The following MMS22L variants were observed in gnomAD, a reference collection of about 807,000 sequenced individuals.
MMS22L encodes the protein protein MMS22-like.
A neutral mutation model predicts 159.1 loss-of-function variants in MMS22L; 74 were observed. The observed-to-expected ratio is 0.47, with a 90% CI of 0.39 to 0.56. The LOEUF is 0.56. Ranked by LOEUF, MMS22L falls within the 20% of genes least tolerant of loss-of-function variation. The pLI is 0.00. For missense variants in MMS22L, 1,351 were observed against 1,422.1 expected (o/e 0.95, Z 0.80); for synonymous variants, 517 against 506.9 (o/e 1.02, Z -0.27).
intron 16 of MMS22L, 89 bp from the exon 17 acceptor site, chr6:97,179,648 C>G: frequency 8.8e-7 from 1 of 1,131,370 alleles, no homozygotes; most frequent in Non-Finnish European, 1.2e-6. Context: ...TCTAACATCC[C>G]TGCAACTCCT....
chr6:97,165,527 C>A lies in MMS22L; in HGVS notation c.3010-70G>T, dbSNP rs913581224. 1.2e-5 allele frequency: 14 copies of A among 1,208,048 alleles called. No homozygotes were observed. The African/African-American group carries it at 1.7e-4, about 15-fold the overall frequency. 74.8% of individuals were successfully genotyped at this position (1,208,048 alleles called of 1,614,324 possible). On this transcript the variant is annotated intron_variant, in intron 20 of 24. Coordinates refer to ENST00000683635, the MANE Select transcript of MMS22L (RefSeq NM_001350599.2). ...AGAACAAACAATATTTAGAAACTCA[C>A]TAATGAAGTCCCCAGCATTAATAAT...
At chr6:97,159,940 T>C (rs1476484991) in intron 22 of MMS22L, among the ~76,000 whole-genome samples, 2 of 137,252 alleles carry the variant, frequency 1.5e-5, no homozygotes, top group African/African-American at 2.7e-5. Context: ...TTCTTATTTA[T>C]CATTTCTGTT....
chr6:97,271,611 T>C (rs1028656288), intron 6 of MMS22L: 2 of 152,328 alleles, frequency 1.3e-5, no homozygotes, highest in South Asian at 2.1e-4. Context: ...ATTACATATA[T>C]TGATCTCTGA....
At chr6:97,158,438 G>A (rs1802082890) in intron 22 of MMS22L, among the ~76,000 whole-genome samples, 2 of 152,018 alleles carry the variant, frequency 1.3e-5, no homozygotes, top group African/African-American at 4.8e-5. Context: ...GCTTTCTCTT[G>A]TGGGCATTTA....
chr6:97,146,743 T>TA lies in MMS22L; in HGVS notation c.*62dup, dbSNP rs1800940627. ...TATACAATTAATTAAAAGTAGGAAT[T>TA]AGAGTGGAACAATGTGGCTTTAGAT... On this transcript the variant is annotated 3_prime_UTR_variant, in exon 25 of 25. Coordinates refer to ENST00000683635, the MANE Select transcript of MMS22L (RefSeq NM_001350599.2). 9.5e-7 allele frequency: 1 copy of TA among 1,055,340 alleles called. No homozygotes were observed. Among genetic ancestry groups the TA allele is most frequent in the Non-Finnish European group, 1.4e-6 (1 of 712,738 alleles). The allele number at this position is 1,055,340 out of a possible 1,614,324, so 65.4% of individuals were successfully genotyped here. A position where few individuals can be genotyped will look rare whatever the true frequency, so the allele number is the denominator to read the frequency against.
chr6:97,264,390 G>T (rs1562520990), intron 8 of MMS22L: 1 of 151,664 alleles, frequency 6.6e-6, no homozygotes, highest in African/African-American at 2.4e-5. Flanking sequence ...AAAATCCTCA[G>T]CAGCCCTAGA....
intron 11 of MMS22L, among the ~76,000 whole-genome samples, chr6:97,243,648 T>A (rs1364512381): frequency 6.6e-6 from 1 of 152,154 alleles, no homozygotes; most frequent in Non-Finnish European, 1.5e-5. Context: ...GTGGGGGTGA[T>A]AAAGAACCTT....
chr6:97,262,015 T>C (rs1409466530), intron 9 of MMS22L: 1 of 152,310 alleles, frequency 6.6e-6, no homozygotes, highest in East Asian at 1.9e-4. Flanking sequence ...ATTTTAAACT[T>C]CTGAAAAGCA....
rs1810081850 is a variant in MMS22L, at chr6:97,225,118, T to A, written c.2039+3776A>T. The stretch of plus-strand genomic sequence containing the variant: ...GAAGACAGTATTTATAAGCATTAAC[T>A]CTTTCAAGAATGTAAGAATTATTCT... On this transcript the variant is annotated intron_variant, in intron 14 of 24. Coordinates refer to ENST00000683635, the MANE Select transcript of MMS22L (RefSeq NM_001350599.2). Among the ~76,000 whole-genome samples, 3 of 152,272 alleles carry A rather than the reference T, an allele frequency of 2.0e-5. No individual in the cohort carries two copies. In the South Asian group the frequency reaches 6.2e-4, roughly 32 times the overall value.
chr6:97,187,509 C>T (rs1011886489), intron 14 of MMS22L, among the ~76,000 whole-genome samples: 1 of 152,118 alleles, frequency 6.6e-6, no homozygotes, highest in South Asian at 2.1e-4. Context: ...GCTATTATTC[C>T]TGTTTCTGTT....
At chr6:97,260,909 G>C (rs1203779549) in intron 9 of MMS22L, 1 of 150,804 alleles carries the variant, frequency 6.6e-6, no homozygotes, top group Non-Finnish European at 1.5e-5. Context: ...TCTTTTTTTG[G>C]TGGTGGTGTT....
chr6:97,174,011 T>C (rs574851885), intron 18 of MMS22L, among the ~76,000 whole-genome samples: 1 of 151,902 alleles, frequency 6.6e-6, no homozygotes, highest in East Asian at 1.9e-4. Context: ...TCCCAGCAGT[T>C]TGGGAGGCCA....
chr6:97,180,018 C>A (rs1356542195), intron 16 of MMS22L, among the ~76,000 whole-genome samples: 3 of 152,138 alleles, frequency 2.0e-5, no homozygotes, highest in African/African-American at 7.2e-5. Flanking sequence ...TAAAAATTAC[C>A]TCACAAAGAA....
Position 97,229,036 on chromosome 6 carries a change from C to A in MMS22L, c.1897G>T (p.Glu633Ter). Reference protein sequence around the residue: ...LLSIYIDGVQEVFETSYCLYP... With the variant: ...LLSIYIDGVQ Reference sequence around the variant, plus strand: ...AAGCAATAGCTGGTCTCAAACACTTCTTGAACACCATCAATGTATATGGAA... The same window carrying A: ...AAGCAATAGCTGGTCTCAAACACTTATTGAACACCATCAATGTATATGGAA... The change falls in exon 14 of 25, where the codon GAA becomes TAA. Residue 633 changes from glutamate (E) to a stop codon, truncating the protein, a stop_gained. Coordinates refer to ENST00000683635, the MANE Select transcript of MMS22L (RefSeq NM_001350599.2). LOFTEE classifies it high-confidence loss of function. 2.5e-6 allele frequency: 4 copies of A among 1,614,112 alleles called. No individual in the cohort carries two copies. Among genetic ancestry groups the A allele is most frequent in the Non-Finnish European group, 3.4e-6 (4 of 1,180,014 alleles).
intron 10 of MMS22L, among the ~76,000 whole-genome samples, chr6:97,247,975 AG>A (rs1392763950): frequency 6.6e-6 from 1 of 152,232 alleles, no homozygotes; most frequent in East Asian, 1.9e-4. Flanking sequence ...GAGCACAGTG[AG>A]TATGGTAGTC....
At chr6:97,238,474 C>A (rs1360402366) in intron 11 of MMS22L, among the ~76,000 whole-genome samples, 1 of 151,936 alleles carries the variant, frequency 6.6e-6, no homozygotes, top group Non-Finnish European at 1.5e-5. Context: ...GGCCTGTGGG[C>A]CTCTTTTCCA....
chr6:97,281,560 C>A (rs1446576395), intron 2 of MMS22L, among the ~76,000 whole-genome samples, 198 bp from the exon 3 acceptor site: 1 of 152,076 alleles, frequency 6.6e-6, no homozygotes, highest in African/African-American at 2.4e-5. Context: ...ATAAAATGTA[C>A]GACTAAAGTG....
chr6:97,245,845 CTACA>C (rs979356581), intron 11 of MMS22L: 4 of 102,304 alleles, frequency 3.9e-5, no homozygotes, highest in Non-Finnish European at 5.6e-5. Flanking sequence ...GACATAGCTA[CTACA>C]GACACACACA....
chr6:97,257,549 A>T (rs1421920440), intron 9 of MMS22L, among the ~76,000 whole-genome samples: 1 of 152,136 alleles, frequency 6.6e-6, no homozygotes, highest in African/African-American at 2.4e-5. Context: ...ATCCCACCTC[A>T]GCCTCCCAAG....
Sources: allele counts gnomAD v4.1 joint callset (sites outside exome capture counted in the v4.1 genomes callset), GRCh38; gene constraint gnomAD v4.1.1; transcripts MANE v1.5; gene names NCBI Gene and HGNC (gene_info 2026-07-23, HGNC 2026-07-21).